Variants in SYT1 observed in about 807,000 individuals in gnomAD.
SYT1 encodes synaptotagmin 1, also known as synaptotagmin-1.
In SYT1, 8 loss-of-function variants were observed where a neutral mutation model predicts 44.8. The observed-to-expected ratio is 0.18, with a 90% CI of 0.10 to 0.32. The LOEUF (loss-of-function observed/expected upper bound fraction) is 0.32. Ranked by LOEUF, SYT1 falls within the 10% of genes least tolerant of loss-of-function variation. The pLI, the probability that SYT1 is intolerant of heterozygous loss-of-function variation, is 1.00. For missense variants in SYT1, 286 were observed against 509.3 expected (o/e 0.56, Z 4.22); for synonymous variants, 154 against 188.8 (o/e 0.82, Z 1.51).
intron 2 of SYT1, among the ~76,000 whole-genome samples, chr12:78,991,826 T>C (rs896918996): frequency 2.0e-5 from 3 of 152,226 alleles, no homozygotes; most frequent in Non-Finnish European, 4.4e-5. Flanking sequence ...AAATGTACTC[T>C]TTTTGTGGAT....
chr12:79,295,170 T>G (rs1016821241), intron 6 of SYT1, among the ~76,000 whole-genome samples: 5 of 152,166 alleles, frequency 3.3e-5, no homozygotes, highest in Admixed American at 2.0e-4. Flanking sequence ...AGAGTCTGCT[T>G]TGTTACCTAT....
At chr12:79,421,124 T>G (rs1869085845) in intron 9 of SYT1, among the ~76,000 whole-genome samples, 1 of 152,184 alleles carries the variant, frequency 6.6e-6, no homozygotes, top group Non-Finnish European at 1.5e-5. Flanking sequence ...CTGCTTTTTT[T>G]ATTCCTGAAC....
At chr12:79,215,770 G>T (rs1874751280) in intron 3 of SYT1, among the ~76,000 whole-genome samples, 1 of 152,062 alleles carries the variant, frequency 6.6e-6, no homozygotes, top group Non-Finnish European at 1.5e-5. Flanking sequence ...CCTCAGCCAT[G>T]ATCTCCTGGA....
intron 4 of SYT1, among the ~76,000 whole-genome samples, chr12:79,284,947 G>T (rs1360867172): frequency 2.0e-5 from 3 of 151,988 alleles, no homozygotes; most frequent in East Asian, 3.9e-4. Flanking sequence ...TAAGCCAGAT[G>T]AAATGGGTAC....
At chr12:79,308,842 G>C (rs574435513) in intron 8 of SYT1, among the ~76,000 whole-genome samples, 1 of 152,286 alleles carries the variant, frequency 6.6e-6, no homozygotes, top group East Asian at 1.9e-4. Flanking sequence ...TGTATCATCT[G>C]CACATACACA....
intron 8 of SYT1, among the ~76,000 whole-genome samples, chr12:79,306,701 G>C (rs1880414945): frequency 6.6e-6 from 1 of 152,126 alleles, no homozygotes; most frequent in Admixed American, 6.5e-5. Context: ...TTTATCCAAA[G>C]AATAAAAGGA....
At chr12:78,924,473 C>G (rs1442973749) in intron 1 of SYT1, among the ~76,000 whole-genome samples, 1 of 151,326 alleles carries the variant, frequency 6.6e-6, no homozygotes, top group African/African-American at 2.4e-5. Flanking sequence ...TTTTCTAGTT[C>G]CATATTTTCT....
At chr12:79,127,993 G>T (rs905957305) in intron 3 of SYT1, among the ~76,000 whole-genome samples, 1 of 152,170 alleles carries the variant, frequency 6.6e-6, no homozygotes, top group African/African-American at 2.4e-5. Flanking sequence ...CAGAAAAACA[G>T]AAACAGTCAT....
Position 79,053,112 on chromosome 12 carries a change from G to A in SYT1, c.-18+5750G>A, listed in dbSNP as rs113945046. 2.2e-3 allele frequency among the ~76,000 whole-genome samples: 332 copies of A among 152,242 alleles called. 1 individual carries two copies. Among genetic ancestry groups the A allele is most frequent in the Middle Eastern group, 0.01 (3 of 294 alleles). On this transcript the variant is annotated intron_variant, in intron 3 of 10. Transcript: ENST00000261205. ...GCAAAGACTTGGAACCAACCCAAAT[G>A]TCCAACAATGATAGACTGGATTAAG...
intron 8 of SYT1, among the ~76,000 whole-genome samples, chr12:79,350,941 A>G (rs1227932449): frequency 2.6e-5 from 4 of 152,222 alleles, no homozygotes; most frequent in Admixed American, 2.6e-4. Flanking sequence ...AAGTAATAAA[A>G]TGCTAAAACT....
chr12:79,249,095 T>C (rs1413405202), intron 4 of SYT1, among the ~76,000 whole-genome samples: 1 of 103,486 alleles, frequency 9.7e-6, no homozygotes, highest in South Asian at 3.3e-4. Context: ...TTTCTTTTTT[T>C]TTTTTTTTTT....
chr12:79,110,834 C>T (rs1878971741), intron 3 of SYT1, among the ~76,000 whole-genome samples: 2 of 152,186 alleles, frequency 1.3e-5, no homozygotes, highest in African/African-American at 4.8e-5. Context: ...CAAGTACGAC[C>T]TGCAGTTATA....
intron 3 of SYT1, among the ~76,000 whole-genome samples, chr12:79,068,847 G>A (rs192099266): frequency 3.2e-4 from 49 of 152,094 alleles, no homozygotes; most frequent in Admixed American, 3.1e-3. Context: ...GATCCATGTG[G>A]GAAAAATTTT....
At chr12:79,360,122 TACAC>T (rs1883262259) in intron 9 of SYT1, among the ~76,000 whole-genome samples, 1 of 152,126 alleles carries the variant, frequency 6.6e-6, no homozygotes, top group African/African-American at 2.4e-5. Flanking sequence ...ATTTGAAAAC[TACAC>T]TTCAGAGGCT....
intron 3 of SYT1, among the ~76,000 whole-genome samples, chr12:79,091,853 T>G (rs1877800285): frequency 6.6e-6 from 1 of 152,002 alleles, no homozygotes; most frequent in African/African-American, 2.4e-5. Context: ...ACAATAAAAC[T>G]AATTTGTTTG....
intron 9 of SYT1, among the ~76,000 whole-genome samples, chr12:79,411,428 A>G (rs1441375429): frequency 6.6e-6 from 1 of 152,138 alleles, no homozygotes; most frequent in Non-Finnish European, 1.5e-5. Context: ...TAGGGTGCTA[A>G]AACTAAGGGA....
chr12:79,087,432 C>T (rs1877457080), intron 3 of SYT1, among the ~76,000 whole-genome samples: 1 of 152,068 alleles, frequency 6.6e-6, no homozygotes, highest in Admixed American at 6.6e-5. Context: ...TATTATATTT[C>T]TTTAAGTTGT....
chr12:78,996,966 G>T (rs887655654), intron 2 of SYT1, among the ~76,000 whole-genome samples: 6 of 152,084 alleles, frequency 3.9e-5, no homozygotes, highest in Admixed American at 3.9e-4. Context: ...AAAGACACTG[G>T]GCTATCTACA....
chr12:79,397,792 G>C (rs1312175471), intron 9 of SYT1, among the ~76,000 whole-genome samples: 1 of 152,170 alleles, frequency 6.6e-6, no homozygotes, highest in African/African-American at 2.4e-5. Flanking sequence ...ATATAAAAAG[G>C]AAGCATCCTG....
Sources: allele counts gnomAD v4.1 joint callset (sites outside exome capture counted in the v4.1 genomes callset), GRCh38; gene constraint gnomAD v4.1.1; transcripts MANE v1.5; gene names NCBI Gene and HGNC (gene_info 2026-07-23, HGNC 2026-07-21).